SRBD1: variants seen among roughly 807,000 people sequenced by gnomAD.
SRBD1 encodes S1 RNA-binding domain-containing protein 1.
In SRBD1, 88 loss-of-function variants were observed where a neutral mutation model predicts 115.3. The observed-to-expected ratio is 0.76, with a 90% CI of 0.64 to 0.91. The LOEUF is 0.91. SRBD1 is among the 40% of genes least tolerant of loss of function. SRBD1 has a pLI of 0.00. For missense variants in SRBD1, 1,385 were observed against 1,177.4 expected (o/e 1.18, Z -2.58); for synonymous variants, 509 against 407.7 (o/e 1.25, Z -2.99).
chr2:45,500,228 C>CTGTG (rs60622580), intron 14 of SRBD1, among the ~76,000 whole-genome samples: 75,832 of 146,306 alleles, frequency 0.52, 20,174 homozygotes, highest in Non-Finnish European at 0.6. Context: ...TAAATTTATC[C>CTGTG]TGTGTGTGTG....
intron 18 of SRBD1, among the ~76,000 whole-genome samples, chr2:45,414,138 G>C (rs1276192724): frequency 1.3e-5 from 2 of 152,100 alleles, no homozygotes; most frequent in African/African-American, 4.8e-5. Flanking sequence ...ATATCTTAAA[G>C]TTTCTGAGAG....
intron 16 of SRBD1, among the ~76,000 whole-genome samples, chr2:45,438,779 T>C (rs1279365312): frequency 6.6e-6 from 1 of 152,112 alleles, no homozygotes; most frequent in Non-Finnish European, 1.5e-5. Context: ...ACTGGAGTCC[T>C]GAGAGGGAAA....
chr2:45,474,105 T>A (rs915882528), intron 16 of SRBD1, among the ~76,000 whole-genome samples: 1 of 152,240 alleles, frequency 6.6e-6, no homozygotes, highest in Non-Finnish European at 1.5e-5. Flanking sequence ...TCTAAGATAT[T>A]TGATTGGTTT....
chr2:45,389,352 G>T lies in SRBD1; in HGVS notation c.2946C>A (p.Ile982=). ...RVEVQVLNID[I]PRSRITLDLI... is the part of the protein sequence containing the mutation. ...GGTCCAGAGTAATCCTAGATCGGGG[G>T]ATGTCAATGTTGAGTACTTGGACTT... The change falls in exon 21 of 21, where the codon ATC becomes ATA. Residue 982 remains isoleucine (I), a synonymous_variant. Coordinates refer to ENST00000263736, the MANE Select transcript of SRBD1 (RefSeq NM_018079.5). 6.2e-7 allele frequency: 1 copy of T among 1,614,058 alleles called. No individual in the cohort carries two copies. Among genetic ancestry groups the T allele is most frequent in the Non-Finnish European group, 8.5e-7 (1 of 1,179,928 alleles).
chr2:45,497,084 C>G (rs1433265258), intron 14 of SRBD1, among the ~76,000 whole-genome samples: 1 of 152,156 alleles, frequency 6.6e-6, no homozygotes, highest in Non-Finnish European at 1.5e-5. Flanking sequence ...ACATTTCTGA[C>G]TCTGCTATAT....
chr2:45,518,594 G>A (rs1671190083), intron 14 of SRBD1, among the ~76,000 whole-genome samples: 1 of 152,110 alleles, frequency 6.6e-6, no homozygotes, highest in Non-Finnish European at 1.5e-5. Flanking sequence ...GGACAAGTCG[G>A]TAATAATCTT....
At chr2:45,550,315 T>C (rs1672256406) in intron 12 of SRBD1, among the ~76,000 whole-genome samples, 2 of 151,994 alleles carry the variant, frequency 1.3e-5, no homozygotes, top group South Asian at 4.1e-4. Context: ...GTGGAATTCA[T>C]GCAGAAAAGA....
rs1260517207 is a variant in SRBD1 at position 45,579,803 on chromosome 2, T to A, written c.1072+72A>T. On this transcript the variant is annotated intron_variant, in intron 7 of 20. Transcript: ENST00000263736. ...ATAATCAGTACTTAACAAAACAGTT[T>A]TTTAACATACGTTTTTAAATTAAAA... 4 of 1,439,678 alleles carry A rather than the reference T, an allele frequency of 2.8e-6. No homozygotes were observed. In the African/African-American group the frequency reaches 4.3e-5, roughly 15 times the overall value. The allele number at this position is 1,439,678 out of a possible 1,614,324, so 89.2% of individuals were successfully genotyped here. A position where few individuals can be genotyped will look rare whatever the true frequency, so the allele number is the denominator to read the frequency against.
intron 19 of SRBD1, among the ~76,000 whole-genome samples, chr2:45,402,877 C>T (rs866787276): frequency 3.7e-4 from 56 of 152,264 alleles, no homozygotes; most frequent in African/African-American, 1.3e-3. Context: ...GGATACCTGC[C>T]TTAGCTCTCT....
chr2:45,508,411 C>A (rs1415262905), intron 14 of SRBD1, among the ~76,000 whole-genome samples: 1 of 152,094 alleles, frequency 6.6e-6, no homozygotes, highest in South Asian at 2.1e-4. Context: ...TTTTATTTCC[C>A]CTAAGTTTAT....
chr2:45,440,077 A>C (rs949594901), intron 16 of SRBD1, among the ~76,000 whole-genome samples: 1 of 152,092 alleles, frequency 6.6e-6, no homozygotes, highest in Non-Finnish European at 1.5e-5. Flanking sequence ...TCTGTAGACC[A>C]CATAGGTAGT....
intron 16 of SRBD1, among the ~76,000 whole-genome samples, chr2:45,450,483 C>T (rs552125571): frequency 2.0e-5 from 3 of 152,092 alleles, no homozygotes; most frequent in Non-Finnish European, 2.9e-5. Context: ...ATCTTCTATA[C>T]TGGAAGAGTT....
intron 19 of SRBD1, among the ~76,000 whole-genome samples, chr2:45,402,897 C>G (rs1315800087): frequency 6.6e-6 from 1 of 152,088 alleles, no homozygotes; most frequent in Non-Finnish European, 1.5e-5. Context: ...TGGATCAACC[C>G]AAATGGTAGG....
chr2:45,466,659 CAA>C (rs1214684528), intron 16 of SRBD1, among the ~76,000 whole-genome samples: 2 of 152,158 alleles, frequency 1.3e-5, no homozygotes, highest in African/African-American at 4.8e-5. Context: ...AAATTAAACA[CAA>C]AAGACACATT....
chr2:45,550,776 CTT>C (rs896663596), intron 12 of SRBD1, among the ~76,000 whole-genome samples: 10 of 152,092 alleles, frequency 6.6e-5, no homozygotes, highest in Non-Finnish European at 1.3e-4. Flanking sequence ...ATAAAAATGT[CTT>C]TTGGTATTTA....
intron 14 of SRBD1, among the ~76,000 whole-genome samples, chr2:45,542,527 T>C (rs757072665): frequency 3.9e-5 from 6 of 152,230 alleles, no homozygotes; most frequent in African/African-American, 9.6e-5. Context: ...CTGCAGCCAG[T>C]GTCTTCCCAG....
intron 10 of SRBD1, among the ~76,000 whole-genome samples, chr2:45,557,320 G>T (rs1474010362): frequency 6.6e-6 from 1 of 152,208 alleles, no homozygotes; most frequent in East Asian, 1.9e-4. Context: ...GACCCTAACA[G>T]AGGGATTTGT....
intron 14 of SRBD1, among the ~76,000 whole-genome samples, chr2:45,501,686 T>G (rs1670635683): frequency 6.6e-6 from 1 of 152,084 alleles, no homozygotes; most frequent in Non-Finnish European, 1.5e-5. Context: ...AGAGCCTTGC[T>G]CATTGGTAGC....
intron 14 of SRBD1, among the ~76,000 whole-genome samples, chr2:45,493,316 C>A (rs576489708): frequency 2.0e-4 from 30 of 152,162 alleles, no homozygotes; most frequent in African/African-American, 7.0e-4. Flanking sequence ...TCTGAAGTAT[C>A]AAAAGAATAG....
Sources: allele counts gnomAD v4.1 joint callset (sites outside exome capture counted in the v4.1 genomes callset), GRCh38; gene constraint gnomAD v4.1.1; transcripts MANE v1.5; gene names NCBI Gene and HGNC (gene_info 2026-07-23, HGNC 2026-07-21).